Variants in FDFT1 observed in about 807,000 individuals in gnomAD.
FDFT1 encodes farnesyl-diphosphate farnesyltransferase 1.
FDFT1 carries 68 observed loss-of-function variants against 46.8 expected under a neutral mutation model. That is an observed-to-expected ratio of 1.45 (90% CI 1.19 to 1.78). FDFT1 has a LOEUF of 1.78. Ranked by LOEUF, FDFT1 falls within the 40% of genes most tolerant of loss-of-function variation. The probability of loss-of-function intolerance (pLI) is 0.00; values close to 1 mark genes in which losing one functional copy is unlikely to be tolerated. For synonymous variants in FDFT1, 351 were observed against 185.1 expected (o/e 1.90, Z -7.28); for missense variants, 928 against 524.4 (o/e 1.77, Z -7.52).
In FDFT1 at chr8:11,826,132, A is replaced by G. The variant is rs376734953; in HGVS notation, c.619A>G (p.Met207Val). The change falls in exon 5 of 8, where the codon ATG becomes GTG. Residue 207 changes from methionine (M) to valine (V), a missense_variant. Met to Val is a conservative substitution (Grantham distance 21). Transcript: ENST00000220584. ...TGAAGATACAGAACGTGCCAACTCT[A>G]TGGGCCTGTTTTTGCAGAAAACAAA... ...VGEDTERANSMGLFLQKTNII... is the reference protein window; with the variant it reads ...VGEDTERANSVGLFLQKTNII... 1.2e-5 allele frequency: 20 copies of G among 1,609,372 alleles called. No individual in the cohort carries two copies. The highest frequency in any genetic ancestry group is 2.7e-5 in the African/African-American group (2 of 74,854).
upstream of FDFT1, among the ~76,000 whole-genome samples, chr8:11,798,769 G>A (rs1374187254): frequency 6.6e-6 from 1 of 152,232 alleles, no homozygotes; most frequent in Non-Finnish European, 1.5e-5. Flanking sequence ...GAGCCAGTAT[G>A]TGCTGGGCAC....
rs146313145 is a variant in FDFT1 at position 11,813,264 on chromosome 8, G to T, written c.381+3414G>T. Among the ~76,000 whole-genome samples, 27 of 152,270 alleles carry T rather than the reference G, an allele frequency of 1.8e-4. No homozygotes were observed. In the East Asian group the frequency reaches 5.2e-3, roughly 29 times the overall value. ...CCTGGTACTAGTGGAAAGCTAGAAG[G>T]CTTAGAAGTCTACCTGTAAACATAG... On this transcript the variant is annotated intron_variant, in intron 3 of 7. Transcript: ENST00000220584.
In FDFT1 at chr8:11,826,172, A is replaced by T. The variant is rs139729511; in HGVS notation, c.659A>T (p.Tyr220Phe). ...FLQKTNIIRD[Y>F]LEDQQGGREF... ...CAGAAAACAAACATCATCCGTGACT[A>T]TCTGGAAGACCAGCAAGGAGGAAGA... The change falls in exon 5 of 8, where the codon TAT becomes TTT. Residue 220 changes from tyrosine (Y) to phenylalanine (F), a missense_variant. Physicochemically the swap from Tyr to Phe is conservative, Grantham distance 22 (BLOSUM62 3). Transcript: ENST00000220584. 1 of 1,591,646 alleles carries T rather than the reference A, an allele frequency of 6.3e-7. No homozygotes were observed. Among genetic ancestry groups the T allele is most frequent in the Non-Finnish European group, 8.6e-7 (1 of 1,163,418 alleles).
At chr8:11,814,987 T>C (rs1041859757) in intron 3 of FDFT1, among the ~76,000 whole-genome samples, 2 of 152,204 alleles carry the variant, frequency 1.3e-5, no homozygotes, top group South Asian at 2.1e-4. Flanking sequence ...TCATTTACAT[T>C]AGGTATTTCT....
rs537258724 is a variant in FDFT1, at chr8:11,812,523, A to C, written c.381+2673A>C. ...GGATCAGCTGTCTGTGCCCTGCTGC[A>C]TTCTGGAATAAAACTCTGAGGGACT... is the stretch of plus-strand genomic sequence containing the variant. On this transcript the variant is annotated intron_variant, in intron 3 of 7. Transcript: ENST00000220584. Among the ~76,000 whole-genome samples the C allele has an allele frequency of 2.6e-5, 4 of 152,348 alleles. No homozygotes were observed. In the South Asian group the frequency reaches 8.3e-4, roughly 32 times the overall value.
chr8:11,835,678 C>T (rs1214574472), intron 7 of FDFT1, among the ~76,000 whole-genome samples: 1 of 151,956 alleles, frequency 6.6e-6, no homozygotes. Context: ...AACAGGCTAA[C>T]AAAGTACAAG....
In FDFT1 at chr8:11,831,576, C is replaced by T; in HGVS notation, c.938C>T (p.Ala313Val). 1.2e-6 allele frequency: 2 copies of T among 1,613,904 alleles called. No homozygotes were observed. Among genetic ancestry groups the T allele is most frequent in the African/African-American group, 1.3e-5 (1 of 75,056 alleles). ...CYNNQQVFKG[A>V]VKIRKGQAVT... The stretch of plus-strand genomic sequence containing the variant: ...AATAACCAGCAGGTGTTCAAAGGGG[C>T]AGTGAAGATTCGGAAAGGGCAAGCA... The change falls in exon 7 of 8, where the codon GCA becomes GTA. Residue 313 changes from alanine to valine, a missense_variant. Ala to Val is a moderately conservative substitution (Grantham distance 64). Transcript: ENST00000220584.
In FDFT1 at chr8:11,838,725, C is replaced by G. The variant is rs544704411; in HGVS notation, c.*116C>G. The stretch of plus-strand genomic sequence containing the variant: ...TACTACTTTAATCCCTAAAAGAACG[C>G]TGTGTGGCTGGGACCTTTAGGAAAG... On this transcript the variant is annotated 3_prime_UTR_variant, in exon 8 of 8. Transcript: ENST00000220584. The G allele has an allele frequency of 5.6e-5, 46 of 827,294 alleles. 1 individual carries two copies. In the African/African-American group the frequency reaches 7.1e-4, roughly 13 times the overall value. 51.2% of individuals were successfully genotyped at this position (827,294 alleles called of 1,614,324 possible).
At position 11,809,777 on chromosome 8, in the gene FDFT1, T is replaced by G. The variant is rs368071016; in HGVS notation, c.308T>G (p.Phe103Cys). The G allele has an allele frequency of 6.8e-6, 11 of 1,614,078 alleles. No homozygotes were observed. In the Middle Eastern group the frequency reaches 4.9e-4, roughly 72 times the overall value. Reference sequence around the variant, plus strand: ...CCGCTGTTACACAACTTTCACTCTTTCCTTTACCAACCAGACTGGCGGTTC... The same window carrying G: ...CCGCTGTTACACAACTTTCACTCTTGCCTTTACCAACCAGACTGGCGGTTC... ...KVPLLHNFHS[F>C]LYQPDWRFME... The change falls in exon 3 of 8, where the codon TTC becomes TGC. Residue 103 changes from phenylalanine (F) to cysteine (C), a missense_variant. Coordinates refer to ENST00000220584, the MANE Select transcript of FDFT1 (RefSeq NM_004462.5).
At chr8:11,809,447 ACTAGTAGG>A in intron 2 of FDFT1, 2 of 1,277,612 alleles carry the variant, frequency 1.6e-6, no homozygotes, top group South Asian at 4.8e-5. Flanking sequence ...GTGACATTCA[ACTAGTAGG>A]CTTTTTAATA....
At chr8:11,800,955 G>C (rs1482552539), upstream of FDFT1, among the ~76,000 whole-genome samples, 1 of 152,136 alleles carries the variant, frequency 6.6e-6, no homozygotes, top group African/African-American at 2.4e-5. Flanking sequence ...ACAGTAGTAG[G>C]GGAAACACTC....
At chr8:11,822,274 G>A (rs34809309) in intron 4 of FDFT1, among the ~76,000 whole-genome samples, 24,226 of 147,658 alleles carry the variant, frequency 0.16, 2,098 homozygotes, top group African/African-American at 0.24. Flanking sequence ...TTTAAAGCCA[G>A]TCAGATTTAG....
chr8:11,824,430 C>T lies in FDFT1; in HGVS notation c.511-1594C>T, dbSNP rs577030221. Among the ~76,000 whole-genome samples the T allele has an allele frequency of 4.6e-5, 7 of 152,202 alleles. No homozygotes were observed. In the South Asian group the frequency reaches 1.2e-3, roughly 27 times the overall value. On this transcript the variant is annotated intron_variant, in intron 4 of 7. Coordinates refer to ENST00000220584, the MANE Select transcript of FDFT1 (RefSeq NM_004462.5). Reference sequence around the variant, plus strand: ...CTAAAAAGAAAAGGGGAAGTTTTAGCAAAGTTGTTAAAGCCTGACACTTAA... The same window carrying T: ...CTAAAAAGAAAAGGGGAAGTTTTAGTAAAGTTGTTAAAGCCTGACACTTAA...
At chr8:11,831,489 T>C in intron 6 of FDFT1, 29 bp from the exon 7 acceptor site, 1 of 1,600,516 alleles carries the variant, frequency 6.2e-7, no homozygotes, top group Non-Finnish European at 8.5e-7. Context: ...TCATTTCTTC[T>C]TTTTTCCCTC....
At chr8:11,809,631 T>G (rs756585055) in intron 2 of FDFT1, 36 bp from the exon 3 acceptor site, 5 of 1,537,770 alleles carry the variant, frequency 3.3e-6, no homozygotes, top group Non-Finnish European at 3.5e-6. Context: ...TTTGGCTGTT[T>G]GTTCCAATAT....
chr8:11,822,600 G>T (rs1332768231), intron 4 of FDFT1, among the ~76,000 whole-genome samples: 1 of 152,186 alleles, frequency 6.6e-6, no homozygotes, highest in East Asian at 1.9e-4. Context: ...GATCATTTGA[G>T]CCCAGGAGTT....
Position 11,802,819 on chromosome 8 carries a change from C to T in FDFT1, c.-14C>T. On this transcript the variant is annotated 5_prime_UTR_variant, in exon 1 of 8. Coordinates refer to ENST00000220584, the MANE Select transcript of FDFT1 (RefSeq NM_004462.5). Reference sequence around the variant, plus strand: ...GGTGAGAGTCGCGCCCGGGAGTCCGCCGCCTGCGCCAGGATGGAGTTCGTG... The same window carrying T: ...GGTGAGAGTCGCGCCCGGGAGTCCGTCGCCTGCGCCAGGATGGAGTTCGTG... 1 of 1,600,052 alleles carries T rather than the reference C, an allele frequency of 6.2e-7. No individual in the cohort carries two copies. The highest frequency in any genetic ancestry group is 8.5e-7 in the Non-Finnish European group (1 of 1,172,160).
At chr8:11,809,595 C>A in intron 2 of FDFT1, 72 bp from the exon 3 acceptor site, 1 of 1,451,924 alleles carries the variant, frequency 6.9e-7, no homozygotes, top group Non-Finnish European at 9.2e-7. Flanking sequence ...AGTGGCCAGG[C>A]ACAAGTTATT....
At chr8:11,818,157 G>A (rs1404166438) in intron 3 of FDFT1, among the ~76,000 whole-genome samples, 7 of 152,206 alleles carry the variant, frequency 4.6e-5, no homozygotes, top group African/African-American at 1.7e-4. Context: ...CAGTTTCCAT[G>A]TAGATGTGTG....
Sources: gnomAD v4.1 joint callset for allele counts (sites outside exome capture counted in the v4.1 genomes callset) on GRCh38, gnomAD v4.1.1 for gene constraint, MANE v1.5 for transcripts, NCBI Gene and HGNC (gene_info 2026-07-23, HGNC 2026-07-21) for gene names.